CNTNAP2: variants seen among roughly 807,000 people sequenced by gnomAD.
CNTNAP2 encodes the protein contactin associated protein 2, also known as contactin-associated protein-like 2.
In CNTNAP2, 98 loss-of-function variants were observed where a neutral mutation model predicts 155.2. That is an observed-to-expected ratio of 0.63 (90% CI 0.54 to 0.75). The LOEUF is 0.75. Ranked by LOEUF, CNTNAP2 falls within the 30% of genes least tolerant of loss-of-function variation. CNTNAP2 has a pLI of 0.00. For synonymous variants in CNTNAP2, 651 were observed against 631.2 expected, an observed-to-expected ratio of 1.03 and a Z score of -0.47; for missense variants, 1,727 against 1,688.1, an observed-to-expected ratio of 1.02 and a Z score of -0.40.
chr7:147,611,856 T>C (rs1380736981), intron 12 of CNTNAP2, among the ~76,000 whole-genome samples: 3 of 152,214 alleles, frequency 2.0e-5, no homozygotes, highest in Non-Finnish European at 2.9e-5. Flanking sequence ...TGAGATGCCT[T>C]TCCTATCAGA....
intron 3 of CNTNAP2, among the ~76,000 whole-genome samples, chr7:147,005,103 G>A (rs1258972710): frequency 1.3e-5 from 2 of 151,988 alleles, no homozygotes; most frequent in East Asian, 1.9e-4. Flanking sequence ...TCAAAGCTAT[G>A]TCATATTTTA....
At position 146,379,984 on chromosome 7, in the gene CNTNAP2, G is replaced by A. The variant is rs572603184; in HGVS notation, c.97+263011G>A. On this transcript the variant is annotated intron_variant, in intron 1 of 23. Transcript: ENST00000361727. ...TAAATGTAAGCTGTTTTAAAATTATGTACAGACTTTCTGCAATTATTTTTT... is the reference window on the plus strand; with the variant it reads ...TAAATGTAAGCTGTTTTAAAATTATATACAGACTTTCTGCAATTATTTTTT... 7.2e-5 allele frequency among the ~76,000 whole-genome samples: 11 copies of A among 152,222 alleles called. No homozygotes were observed. The South Asian group carries it at 2.1e-3, about 29-fold the overall frequency.
rs564150505 is a variant in CNTNAP2 at position 146,126,233 on chromosome 7, C to A, written c.97+9260C>A. On this transcript the variant is annotated intron_variant, in intron 1 of 23. Transcript: ENST00000361727. The stretch of plus-strand genomic sequence containing the variant: ...TAAGAAGTTTCAGCTTACATCTAGG[C>A]AACATTTTAAGGCTTGATTGCTTGT... Among the ~76,000 whole-genome samples the A allele has an allele frequency of 1.8e-3, 274 of 152,174 alleles. 2 individuals are homozygous for A. The highest frequency in any genetic ancestry group is 6.4e-3 in the African/African-American group (265 of 41,536).
intron 1 of CNTNAP2, among the ~76,000 whole-genome samples, chr7:146,394,675 T>C (rs1048978929): frequency 6.6e-6 from 1 of 152,178 alleles, no homozygotes; most frequent in Non-Finnish European, 1.5e-5. Context: ...TTATATGTAT[T>C]ACAAAATGTT....
At chr7:146,439,457 T>A (rs1316858852) in intron 1 of CNTNAP2, among the ~76,000 whole-genome samples, 1 of 151,570 alleles carries the variant, frequency 6.6e-6, no homozygotes, top group Non-Finnish European at 1.5e-5. Flanking sequence ...TTTTTGTTTG[T>A]CTTCTCTTCT....
At chr7:146,386,498 C>G (rs1795463737) in intron 1 of CNTNAP2, among the ~76,000 whole-genome samples, 1 of 152,192 alleles carries the variant, frequency 6.6e-6, no homozygotes, top group African/African-American at 2.4e-5. Context: ...AAGTGATTCT[C>G]CTACCTCAGC....
chr7:146,462,438 A>G (rs1462588115), intron 1 of CNTNAP2, among the ~76,000 whole-genome samples: 2 of 152,120 alleles, frequency 1.3e-5, no homozygotes, highest in Non-Finnish European at 2.9e-5. Context: ...TTCTAACTTC[A>G]CACATAAAGG....
intron 11 of CNTNAP2, among the ~76,000 whole-genome samples, chr7:147,556,122 A>G (rs2116774723): frequency 6.6e-6 from 1 of 152,232 alleles, no homozygotes; most frequent in African/African-American, 2.4e-5. Flanking sequence ...CTACTGGTAG[A>G]CATAACCTTC....
intron 22 of CNTNAP2, among the ~76,000 whole-genome samples, chr7:148,385,841 G>A (rs547805733): frequency 6.2e-5 from 9 of 145,532 alleles, no homozygotes; most frequent in African/African-American, 1.0e-4. Flanking sequence ...GGGTTTAAGC[G>A]ATTCTCCTGC....
intron 11 of CNTNAP2, among the ~76,000 whole-genome samples, chr7:147,505,242 A>G (rs1798886241): frequency 1.3e-5 from 2 of 152,204 alleles, no homozygotes; most frequent in African/African-American, 4.8e-5. Context: ...TCCATTAGAA[A>G]TTAAAGGTGT....
intron 8 of CNTNAP2, among the ~76,000 whole-genome samples, chr7:147,279,452 C>G (rs1173685531): frequency 1.3e-5 from 2 of 151,868 alleles, no homozygotes; most frequent in East Asian, 3.9e-4. Context: ...CAGTACTCTT[C>G]ATGTTTATGC....
intron 1 of CNTNAP2, among the ~76,000 whole-genome samples, chr7:146,270,638 T>C (rs1209689338): frequency 6.6e-6 from 1 of 152,172 alleles, no homozygotes; most frequent in East Asian, 1.9e-4. Flanking sequence ...TATTATATTC[T>C]TTGAATAGAT....
At chr7:148,254,644 C>T (rs1262733633) in intron 20 of CNTNAP2, among the ~76,000 whole-genome samples, 1 of 151,844 alleles carries the variant, frequency 6.6e-6, no homozygotes, top group African/African-American at 2.4e-5. Context: ...GGCTTGGTGG[C>T]GGGCACCTGT....
intron 12 of CNTNAP2, among the ~76,000 whole-genome samples, chr7:147,576,800 T>C (rs1467112753): frequency 7.8e-6 from 1 of 127,526 alleles, no homozygotes; most frequent in Non-Finnish European, 1.8e-5. Context: ...ATGCAACTTA[T>C]ACGTTTGGGG....
intron 12 of CNTNAP2, among the ~76,000 whole-genome samples, chr7:147,609,150 G>A (rs983442186): frequency 2.0e-5 from 3 of 152,114 alleles, no homozygotes; most frequent in Non-Finnish European, 4.4e-5. Flanking sequence ...GTTCTGGGTA[G>A]CAGAGATTCA....
At chr7:146,286,175 CAG>C (rs1800333977) in intron 1 of CNTNAP2, among the ~76,000 whole-genome samples, 2 of 150,264 alleles carry the variant, frequency 1.3e-5, no homozygotes, top group South Asian at 4.3e-4. Flanking sequence ...TGGAATCAGA[CAG>C]AGCAAATGAG....
intron 1 of CNTNAP2, among the ~76,000 whole-genome samples, chr7:146,505,530 A>ATCT (rs1797370684): frequency 6.6e-6 from 1 of 152,214 alleles, no homozygotes; most frequent in African/African-American, 2.4e-5. Context: ...CAGGAAATAC[A>ATCT]GATGTTCCCT....
intron 4 of CNTNAP2, among the ~76,000 whole-genome samples, chr7:147,064,102 C>T (rs1316175815): frequency 2.8e-5 from 4 of 144,372 alleles, no homozygotes; most frequent in Non-Finnish European, 6.3e-5. Flanking sequence ...TTAAGTATAG[C>T]ACTTCATAAG....
At chr7:146,495,269 A>G (rs1797197412) in intron 1 of CNTNAP2, among the ~76,000 whole-genome samples, 1 of 152,156 alleles carries the variant, frequency 6.6e-6, no homozygotes, top group African/African-American at 2.4e-5. Context: ...TCTCATTTCC[A>G]TGTCGAGTAA....
Sources: gnomAD v4.1 joint callset for allele counts (sites outside exome capture counted in the v4.1 genomes callset) on GRCh38, gnomAD v4.1.1 for gene constraint, MANE v1.5 for transcripts, NCBI Gene and HGNC (gene_info 2026-07-23, HGNC 2026-07-21) for gene names.